The following COL25A1 variants were observed in gnomAD, a reference collection of about 807,000 sequenced individuals.
COL25A1 encodes collagen type XXV alpha 1 chain, also known as collagen alpha-1(XXV) chain.
In COL25A1, 103 loss-of-function variants were observed where a neutral mutation model predicts 128.4. The observed-to-expected ratio is 0.80, with a 90% CI of 0.68 to 0.94. The LOEUF (loss-of-function observed/expected upper bound fraction) is 0.94. Among genes scored for constraint, COL25A1 ranks in the 40% least tolerant of loss-of-function variants. The probability of loss-of-function intolerance (pLI) is 0.00; values close to 1 mark genes in which losing one functional copy is unlikely to be tolerated. For missense variants in COL25A1, 745 were observed against 840.0 expected (o/e 0.89, Z 1.40); for synonymous variants, 279 against 277.2 (o/e 1.01, Z -0.06).
chr4:109,086,775 G>A (rs183403664), intron 3 of COL25A1, among the ~76,000 whole-genome samples: 330 of 152,282 alleles, frequency 2.2e-3, no homozygotes, highest in Non-Finnish European at 3.8e-3. Context: ...GGAAGAGTCT[G>A]TTTCTACTCA....
At chr4:109,097,874 G>C (rs1358885394) in intron 3 of COL25A1, among the ~76,000 whole-genome samples, 1 of 151,694 alleles carries the variant, frequency 6.6e-6, no homozygotes, top group African/African-American at 2.4e-5. Context: ...ATATTGGCCA[G>C]GATGGTCTCA....
At chr4:109,001,947 G>A (rs1579045157) in intron 6 of COL25A1, among the ~76,000 whole-genome samples, 1 of 152,208 alleles carries the variant, frequency 6.6e-6, no homozygotes, top group South Asian at 2.1e-4. Flanking sequence ...GGCCAACAGG[G>A]ATATGAAAAG....
At chr4:109,093,464 A>ACAAACAAAC (rs747611117) in intron 3 of COL25A1, among the ~76,000 whole-genome samples, 18 of 131,354 alleles carry the variant, frequency 1.4e-4, no homozygotes, top group East Asian at 1.2e-3. Context: ...TATGAAAAAA[A>ACAAACAAAC]AAAAAAAAAA....
chr4:108,957,276 G>A (rs1750181307), intron 8 of COL25A1, among the ~76,000 whole-genome samples: 1 of 152,128 alleles, frequency 6.6e-6, no homozygotes, highest in East Asian at 1.9e-4. Context: ...GCTTGGAGCA[G>A]GAGAAGATGA....
At chr4:108,854,526 C>A (rs1045216620) in intron 24 of COL25A1, among the ~76,000 whole-genome samples, 11 of 151,854 alleles carry the variant, frequency 7.2e-5, no homozygotes, top group Non-Finnish European at 1.2e-4. Flanking sequence ...AGAAAAAAAA[C>A]CAATCCCATT....
At chr4:109,159,395 A>G (rs2126115100) in intron 3 of COL25A1, among the ~76,000 whole-genome samples, 1 of 152,212 alleles carries the variant, frequency 6.6e-6, no homozygotes, top group Admixed American at 6.5e-5. Context: ...GGTAACGTAT[A>G]TGGGCAATTG....
chr4:108,933,615 C>T (rs377555532), intron 11 of COL25A1, among the ~76,000 whole-genome samples: 4 of 152,124 alleles, frequency 2.6e-5, no homozygotes, highest in African/African-American at 4.8e-5. Flanking sequence ...CAAGTTATAT[C>T]ACTAGACATT....
chr4:109,179,778 T>G, intron 3 of COL25A1, among the ~76,000 whole-genome samples: 1 of 152,216 alleles, frequency 6.6e-6, no homozygotes, highest in East Asian at 1.9e-4. Flanking sequence ...TTGCTTTATT[T>G]TTAAGTAGAG....
chr4:109,200,907 C>T (rs1776510228), intron 3 of COL25A1, among the ~76,000 whole-genome samples: 1 of 152,148 alleles, frequency 6.6e-6, no homozygotes, highest in South Asian at 2.1e-4. Context: ...GTCATGTATA[C>T]ATGATTCCCA....
At chr4:109,202,441 T>C (rs947069756) in intron 3 of COL25A1, among the ~76,000 whole-genome samples, 2 of 151,958 alleles carry the variant, frequency 1.3e-5, no homozygotes, top group African/African-American at 4.8e-5. Context: ...ACACAGACCT[T>C]ACACCTTTCA....
At chr4:109,194,992 A>G (rs1260447556) in intron 3 of COL25A1, among the ~76,000 whole-genome samples, 5 of 152,172 alleles carry the variant, frequency 3.3e-5, no homozygotes, top group African/African-American at 4.8e-5. Flanking sequence ...CTCAACGGAT[A>G]AGTGCTTGAG....
intron 3 of COL25A1, among the ~76,000 whole-genome samples, chr4:109,189,090 T>C (rs1423694999): frequency 1.3e-5 from 2 of 152,218 alleles, no homozygotes; most frequent in African/African-American, 4.8e-5. Context: ...TATTCTATCA[T>C]GTATAATTCT....
At chr4:109,076,845 G>A (rs1220522817) in intron 3 of COL25A1, among the ~76,000 whole-genome samples, 1 of 151,944 alleles carries the variant, frequency 6.6e-6, no homozygotes, top group Non-Finnish European at 1.5e-5. Flanking sequence ...TTCACAATAG[G>A]ATTCATGCTC....
intron 6 of COL25A1, among the ~76,000 whole-genome samples, chr4:108,980,770 A>G (rs2125996215): frequency 6.6e-6 from 1 of 152,326 alleles, no homozygotes; most frequent in South Asian, 2.1e-4. Context: ...AAACTCCACA[A>G]GTTTCCTACT....
rs536093691 is a variant in COL25A1 at position 109,131,190 on chromosome 4, G to A, written c.368-81011C>T. Among the ~76,000 whole-genome samples, 60 of 149,828 alleles carry A rather than the reference G, an allele frequency of 4.0e-4. No individual in the cohort carries two copies. In the Middle Eastern group the frequency reaches 0.01, roughly 26 times the overall value. ...GTTTTTGTTGGTTGCTTATTGAAAA[G>A]ATAATATTTTGGAAACATTGGCTTA... On this transcript the variant is annotated intron_variant, in intron 3 of 37. Transcript: ENST00000399132.
At chr4:109,270,103 A>G in intron 3 of COL25A1, among the ~76,000 whole-genome samples, 1 of 152,130 alleles carries the variant, frequency 6.6e-6, no homozygotes, top group Non-Finnish European at 1.5e-5. Context: ...ACAAACCCAC[A>G]GCCAATATCA....
intron 3 of COL25A1, among the ~76,000 whole-genome samples, chr4:109,203,856 G>A (rs1776766584): frequency 1.3e-5 from 2 of 151,928 alleles, no homozygotes; most frequent in African/African-American, 4.8e-5. Context: ...AAACATCAGT[G>A]AATATTTTAT....
chr4:109,101,937 C>T (rs1765935264), intron 3 of COL25A1, among the ~76,000 whole-genome samples: 1 of 152,156 alleles, frequency 6.6e-6, no homozygotes, highest in Admixed American at 6.5e-5. Context: ...AAATAGCCCA[C>T]TACACATTAT....
intron 3 of COL25A1, among the ~76,000 whole-genome samples, chr4:109,113,927 T>C (rs763710035): frequency 1.8e-4 from 27 of 152,020 alleles, no homozygotes; most frequent in South Asian, 6.2e-4. Flanking sequence ...ATAATGAAGA[T>C]GAAAAAACAA....
Sources: gnomAD v4.1 joint callset for allele counts (sites outside exome capture counted in the v4.1 genomes callset) on GRCh38, gnomAD v4.1.1 for gene constraint, MANE v1.5 for transcripts, NCBI Gene and HGNC (gene_info 2026-07-23, HGNC 2026-07-21) for gene names.